Variants in PHLPP2 observed in about 807,000 individuals in gnomAD.
PHLPP2 encodes the protein PH domain and leucine rich repeat protein phosphatase 2.
PHLPP2 carries 66 observed loss-of-function variants against 124.9 expected under a neutral mutation model. The ratio of observed to expected loss-of-function variants is 0.53; its 90% CI spans 0.43 to 0.65. PHLPP2 has a LOEUF of 0.65. PHLPP2 is among the 30% of genes least tolerant of loss of function. PHLPP2 has a pLI of 0.00. For missense variants in PHLPP2, 1,685 were observed against 1,600.4 expected (o/e 1.05, Z -0.90); for synonymous variants, 681 against 624.7 (o/e 1.09, Z -1.34).
intron 10 of PHLPP2, among the ~76,000 whole-genome samples, chr16:71,671,596 C>CA (rs1392940737): frequency 1.3e-5 from 2 of 151,392 alleles, no homozygotes; most frequent in Non-Finnish European, 2.9e-5. Flanking sequence ...TATAGGAGTA[C>CA]AAAAAAATTA....
chr16:71,647,666 T>C lies in PHLPP2; in HGVS notation c.*1224A>G, dbSNP rs934134101. 1.3e-5 allele frequency: 2 copies of C among 152,232 alleles called. No homozygotes were observed. Among genetic ancestry groups the C allele is most frequent in the African/African-American group, 4.8e-5 (2 of 41,458 alleles). The allele number at this position is 152,232 out of a possible 1,614,324, so 9.4% of individuals were successfully genotyped here. On this transcript the variant is annotated 3_prime_UTR_variant, in exon 19 of 19. Transcript: ENST00000568954. Reference sequence around the variant, plus strand: ...GAAGCTGTCTGCCAATTCCTCCACATGCTAGGGAAAGACGCCAATCCCTAA... The same window carrying C: ...GAAGCTGTCTGCCAATTCCTCCACACGCTAGGGAAAGACGCCAATCCCTAA...
intron 10 of PHLPP2, among the ~76,000 whole-genome samples, chr16:71,670,665 T>G (rs565248537): frequency 1.1e-5 from 1 of 88,632 alleles, no homozygotes; most frequent in Non-Finnish European, 2.3e-5. Context: ...AGACAAAGTA[T>G]GTGTACAGAC....
At chr16:71,722,036 A>G (rs1404466597) in intron 1 of PHLPP2, among the ~76,000 whole-genome samples, 1 of 152,328 alleles carries the variant, frequency 6.6e-6, no homozygotes, top group African/African-American at 2.4e-5. Context: ...GGGTCTTCAG[A>G]GAAAAATGAG....
At chr16:71,672,646 C>T (rs143869118) in intron 9 of PHLPP2, among the ~76,000 whole-genome samples, 2 of 152,274 alleles carry the variant, frequency 1.3e-5, no homozygotes, top group East Asian at 3.9e-4. Flanking sequence ...AATATTTTAA[C>T]TTTTAATTGA....
intron 18 of PHLPP2, among the ~76,000 whole-genome samples, chr16:71,651,436 T>C (rs1194796919): frequency 6.6e-6 from 1 of 152,124 alleles, no homozygotes; most frequent in Non-Finnish European, 1.5e-5. Context: ...CAGTGGCATG[T>C]GCCTATAGTC....
intron 8 of PHLPP2, chr16:71,678,021 T>C (rs1400234756): frequency 6.6e-6 from 1 of 151,456 alleles, no homozygotes; most frequent in Admixed American, 6.6e-5. Flanking sequence ...TATGAGAAAA[T>C]GGGAATTCTC....
At chr16:71,652,529 C>T (rs937247698) in intron 18 of PHLPP2, among the ~76,000 whole-genome samples, 3 of 152,236 alleles carry the variant, frequency 2.0e-5, no homozygotes, top group African/African-American at 7.2e-5. Context: ...TAACATCCAT[C>T]TTACAACCCA....
intron 10 of PHLPP2, among the ~76,000 whole-genome samples, chr16:71,670,383 A>C (rs2044880493): frequency 6.6e-6 from 1 of 152,188 alleles, no homozygotes; most frequent in Non-Finnish European, 1.5e-5. Flanking sequence ...AACATGGCCA[A>C]AGTGGCATGA....
At chr16:71,673,230 G>A (rs991468399) in intron 9 of PHLPP2, among the ~76,000 whole-genome samples, 5 of 152,156 alleles carry the variant, frequency 3.3e-5, no homozygotes, top group African/African-American at 9.7e-5. Context: ...GCCTAGAAGA[G>A]GCACTGCTGG....
chr16:71,701,265 CATCTATCTATCTATCT>C (rs61251526), intron 3 of PHLPP2, among the ~76,000 whole-genome samples: 15,291 of 149,922 alleles, frequency 0.1, 868 homozygotes, highest in Middle Eastern at 0.16. Flanking sequence ...ATAACTAATT[CATCTATCTATCTATCT>C]ATCTATCTAT....
Position 71,687,042 on chromosome 16 carries a change from T to C in PHLPP2, c.610-2441A>G, listed in dbSNP as rs143362857. Among the ~76,000 whole-genome samples the C allele has an allele frequency of 1.7e-3, 258 of 152,378 alleles. 2 individuals carry two copies. The highest frequency in any genetic ancestry group is 6.0e-3 in the African/African-American group (250 of 41,592). On this transcript the variant is annotated intron_variant, in intron 4 of 18. Transcript: ENST00000568954. ...TTGCAAAGTAACTTCATTCCTACCA[T>C]GATGTATAAATGTTCCAGTTGCTCC... is the stretch of plus-strand genomic sequence containing the variant.
chr16:71,713,006 A>G (rs1241046742), intron 2 of PHLPP2, among the ~76,000 whole-genome samples: 1 of 152,230 alleles, frequency 6.6e-6, no homozygotes, highest in Non-Finnish European at 1.5e-5. Context: ...TAAAAAGCTG[A>G]ATCAAAGAGT....
At chr16:71,651,857 T>C (rs753291991) in intron 18 of PHLPP2, among the ~76,000 whole-genome samples, 8 of 152,182 alleles carry the variant, frequency 5.3e-5, no homozygotes, top group Non-Finnish European at 8.8e-5. Context: ...TGAATATAGA[T>C]ACAGAGCTTA....
chr16:71,723,959 G>GCGGCCCGCCGGCTC, intron 1 of PHLPP2: 1 of 327,552 alleles, frequency 3.1e-6, no homozygotes, highest in Non-Finnish European at 4.4e-6. Context: ...CCCGCCCCCC[G>GCGGCCCGCCGGCTC]CGGCCCGCCG....
intron 14 of PHLPP2, 109 bp from the exon 15 acceptor site, chr16:71,658,472 C>G: frequency 8.2e-7 from 1 of 1,217,652 alleles, no homozygotes; most frequent in Non-Finnish European, 1.1e-6. Flanking sequence ...TAATTTCTTC[C>G]CAGGAATCCA....
In PHLPP2 at chr16:71,681,892, C is replaced by T. The variant is rs1043331098; in HGVS notation, c.749G>A (p.Arg250Gln). The T allele has an allele frequency of 3.1e-6, 5 of 1,609,098 alleles. No homozygotes were observed. Among genetic ancestry groups the T allele is most frequent in the Middle Eastern group, 1.6e-4 (1 of 6,070 alleles). The change falls in exon 6 of 19, where the codon CGA becomes CAA. Residue 250 changes from arginine to glutamine, a missense_variant. Transcript: ENST00000568954. ...ACACGAGAGATCCACGGTACTGATT[C>T]GCTGGGACACCACCTGAATAATGTC... ...QRQASKVVSQ[R>Q]ISTVDLSCYS...
intron 2 of PHLPP2, among the ~76,000 whole-genome samples, chr16:71,710,852 G>A (rs2045319124): frequency 6.6e-6 from 1 of 152,138 alleles, no homozygotes; most frequent in Admixed American, 6.5e-5. Flanking sequence ...CTGAAGCACA[G>A]AGCATTATAT....
chr16:71,672,388 TG>T (rs1191137006), intron 9 of PHLPP2, 66 bp from the exon 10 acceptor site: 3 of 1,133,754 alleles, frequency 2.6e-6, no homozygotes, highest in Non-Finnish European at 4.0e-6. Flanking sequence ...GAGCTGACAA[TG>T]GAAAAGTAGC....
Position 71,684,575 on chromosome 16 carries a change from G to A in PHLPP2, c.636C>T (p.Tyr212=), listed in dbSNP as rs999537447. Residue 212 remains tyrosine, a synonymous_variant, in exon 5 of 19, where the codon TAC becomes TAT. Coordinates refer to ENST00000568954, the MANE Select transcript of PHLPP2 (RefSeq NM_015020.3). ...GKIEEVKRRQ[Y]SLAFSSAGAQ... is the part of the protein sequence containing the mutation. ...CTCCTGCTGAGCTGAAAGCAAGGGA[G>A]TATTGCCGTCGCTTCACTTCTTCTA... 4.3e-6 allele frequency: 7 copies of A among 1,613,352 alleles called. No homozygotes were observed. Among genetic ancestry groups the A allele is most frequent in the African/African-American group, 4.0e-5 (3 of 74,838 alleles).
Sources: gnomAD v4.1 joint callset for allele counts (sites outside exome capture counted in the v4.1 genomes callset) on GRCh38, gnomAD v4.1.1 for gene constraint, MANE v1.5 for transcripts, NCBI Gene and HGNC (gene_info 2026-07-23, HGNC 2026-07-21) for gene names.